Variants in TMEM108 observed in about 807,000 individuals in gnomAD.
TMEM108 encodes cancer/testis antigen 124.
Under a neutral mutation model 35.1 loss-of-function variants are expected in TMEM108, and 12 were observed. The ratio of observed to expected loss-of-function variants is 0.34; its 90% confidence interval spans 0.22 to 0.55. The LOEUF (loss-of-function observed/expected upper bound fraction) is 0.55. Among genes scored for constraint, TMEM108 ranks in the 20% least tolerant of loss-of-function variants. The pLI is 0.89. For synonymous variants in TMEM108, 287 were observed against 308.6 expected, an observed-to-expected ratio of 0.93 and a Z score of 0.73; for missense variants, 680 against 753.3, an observed-to-expected ratio of 0.90 and a Z score of 1.14.
intron 4 of TMEM108, chr3:133,387,856 A>G (rs991572672): frequency 2.0e-6 from 2 of 985,322 alleles, no homozygotes; most frequent in African/African-American, 3.5e-5. Context: ...TGCCCTATTG[A>G]CTAGGCCTAA....
chr3:133,145,427 G>C (rs1405226251), intron 2 of TMEM108, among the ~76,000 whole-genome samples: 1 of 152,112 alleles, frequency 6.6e-6, no homozygotes, highest in African/African-American at 2.4e-5. Flanking sequence ...TTTTGCTTAG[G>C]ATTATCTTGG....
chr3:133,227,225 C>A (rs376925028), intron 2 of TMEM108, among the ~76,000 whole-genome samples: 1 of 121,308 alleles, frequency 8.2e-6, no homozygotes, highest in African/African-American at 3.1e-5. Flanking sequence ...GACAGAGTCT[C>A]GCTGTCGCCC....
chr3:133,191,477 G>T (rs2107814635), intron 2 of TMEM108, among the ~76,000 whole-genome samples: 1 of 152,222 alleles, frequency 6.6e-6, no homozygotes. Flanking sequence ...ATAACAGTAG[G>T]TGACAATCAT....
rs115194015 is a variant in TMEM108, at chr3:133,364,889, G to C, written c.41-14863G>C. On this transcript the variant is annotated intron_variant, in intron 3 of 5. Coordinates refer to ENST00000321871, the MANE Select transcript of TMEM108 (RefSeq NM_023943.4). ...AAGTAAGAGAAGCCGGATCAGGCAG[G>C]GGGGGAAGTTGGGCTGCAACACAGT... Among the ~76,000 whole-genome samples, 693 of 152,234 alleles carry C rather than the reference G, an allele frequency of 4.6e-3. 5 individuals carry two copies. Among genetic ancestry groups the C allele is most frequent in the African/African-American group, 0.015 (637 of 41,556 alleles).
chr3:133,335,272 T>C (rs2071470104), intron 3 of TMEM108, among the ~76,000 whole-genome samples: 1 of 151,790 alleles, frequency 6.6e-6, no homozygotes, highest in South Asian at 2.1e-4. Context: ...CTAACTCAAA[T>C]GACACAAAAG....
chr3:133,373,163 T>C (rs550789570), intron 3 of TMEM108, among the ~76,000 whole-genome samples: 19 of 151,730 alleles, frequency 1.3e-4, no homozygotes, highest in African/African-American at 3.9e-4. Flanking sequence ...ACCCAGGAGG[T>C]GGAGACCAGC....
chr3:133,295,831 T>C (rs116043747), intron 3 of TMEM108, among the ~76,000 whole-genome samples: 1,525 of 152,308 alleles, frequency 0.01, 26 homozygotes, highest in African/African-American at 0.033. Context: ...AACATCAGCA[T>C]TGCAGCTGGG....
At chr3:133,098,269 C>A (rs954382201) in intron 2 of TMEM108, among the ~76,000 whole-genome samples, 7 of 152,166 alleles carry the variant, frequency 4.6e-5, no homozygotes, top group African/African-American at 1.7e-4. Flanking sequence ...ATAAACCAAT[C>A]AGATCTTGTG....
At chr3:133,223,536 T>G (rs1946023178) in intron 2 of TMEM108, among the ~76,000 whole-genome samples, 1 of 152,348 alleles carries the variant, frequency 6.6e-6, no homozygotes, top group Non-Finnish European at 1.5e-5. Context: ...CCCCAAATTG[T>G]TATCCTCGTA....
At chr3:133,395,383 G>A (rs1389258879) in intron 5 of TMEM108, among the ~76,000 whole-genome samples, 9 of 152,206 alleles carry the variant, frequency 5.9e-5, no homozygotes, top group Admixed American at 5.9e-4. Flanking sequence ...CAGGAAACAG[G>A]CGAGTGAGTC....
chr3:133,358,136 T>C (rs56188630), intron 3 of TMEM108, among the ~76,000 whole-genome samples: 50,033 of 151,310 alleles, frequency 0.33, 8,799 homozygotes, highest in East Asian at 0.48. Flanking sequence ...TCATGGCATC[T>C]TTGAAGAAGG....
At chr3:133,086,941 A>G (rs1285811104) in intron 2 of TMEM108, among the ~76,000 whole-genome samples, 1 of 152,226 alleles carries the variant, frequency 6.6e-6, no homozygotes, top group African/African-American at 2.4e-5. Flanking sequence ...AATGATTCAG[A>G]AAAATGCAGA....
intron 2 of TMEM108, among the ~76,000 whole-genome samples, chr3:133,100,919 ATATT>A (rs1456100730): frequency 4.6e-5 from 7 of 152,170 alleles, no homozygotes; most frequent in Non-Finnish European, 7.3e-5. Context: ...ATGTATCTAG[ATATT>A]TATTTCTAGT....
At chr3:133,362,917 T>C (rs1446892480) in intron 3 of TMEM108, among the ~76,000 whole-genome samples, 2 of 152,314 alleles carry the variant, frequency 1.3e-5, no homozygotes, top group East Asian at 1.9e-4. Flanking sequence ...CAATTTGTTC[T>C]TGGCTCTCTT....
At chr3:133,393,858 T>G (rs915582777) in intron 5 of TMEM108, among the ~76,000 whole-genome samples, 10 of 152,144 alleles carry the variant, frequency 6.6e-5, no homozygotes, top group Non-Finnish European at 1.2e-4. Context: ...AGTTAGTCAT[T>G]TGGCACAGAG....
At chr3:133,085,667 G>T (rs1002040416) in intron 2 of TMEM108, among the ~76,000 whole-genome samples, 6 of 152,076 alleles carry the variant, frequency 3.9e-5, no homozygotes, top group African/African-American at 1.4e-4. Flanking sequence ...ATTAATCTTT[G>T]AATCCTTTCT....
intron 3 of TMEM108, among the ~76,000 whole-genome samples, chr3:133,373,604 G>A (rs1019411544): frequency 2.6e-5 from 4 of 152,082 alleles, no homozygotes; most frequent in Non-Finnish European, 4.4e-5. Context: ...TGATACCAGA[G>A]TCCCAACATC....
At position 133,380,081 on chromosome 3, in the gene TMEM108, A is replaced by G; in HGVS notation, c.370A>G (p.Thr124Ala). The G allele has an allele frequency of 6.2e-7, 1 of 1,613,884 alleles. No homozygotes were observed. The stretch of plus-strand genomic sequence containing the variant: ...AGGGCCCGCTCCAGCAGCCATGGCA[A>G]CCACATCCTCCAAGCCAGAGGGCCG... ...STGPAPAAMA[T>A]TSSKPEGRPR... is the part of the protein sequence containing the mutation. Residue 124 changes from threonine (T) to alanine (A), a missense_variant, in exon 4 of 6, where the codon ACC becomes GCC. By Grantham distance (58) the Thr-to-Ala change is moderately conservative (BLOSUM62 0). This residue lies in a region of TMEM108 where 526 missense variants were observed against 532.1 expected (regional missense o/e 0.99). Coordinates refer to ENST00000321871, the MANE Select transcript of TMEM108 (RefSeq NM_023943.4). This position sits in a 1 kb window ranked among gnomAD's most constrained non-coding sequence, Gnocchi z 5.3.
At chr3:133,105,889 C>G (rs1197841397) in intron 2 of TMEM108, among the ~76,000 whole-genome samples, 1 of 151,964 alleles carries the variant, frequency 6.6e-6, no homozygotes, top group Non-Finnish European at 1.5e-5. Flanking sequence ...GCCTGTGTAC[C>G]CCATGGGCAG....
Sources: allele counts gnomAD v4.1 joint callset (sites outside exome capture counted in the v4.1 genomes callset), GRCh38; gene constraint gnomAD v4.1.1; regional missense constraint gnomAD v4.1.1; non-coding constraint Gnocchi (gnomAD v3.1); transcripts MANE v1.5; gene names NCBI Gene and HGNC (gene_info 2026-07-23, HGNC 2026-07-21).